Variants in PGR observed in about 807,000 individuals in gnomAD.
PGR encodes nuclear receptor subfamily 3 group C member 3.
PGR carries 25 observed loss-of-function variants against 76.1 expected under a neutral mutation model. That is an observed-to-expected ratio of 0.33 (90% CI 0.24 to 0.46). PGR has a LOEUF of 0.46. Among genes scored for constraint, PGR ranks in the 20% least tolerant of loss-of-function variants. The probability of loss-of-function intolerance (pLI) is 1.00; values close to 1 mark genes in which losing one functional copy is unlikely to be tolerated. For synonymous variants in PGR, 579 were observed against 535.0 expected (o/e 1.08, Z -1.14); for missense variants, 1,172 against 1,225.3 (o/e 0.96, Z 0.65).
chr11:101,083,721 T>C (rs1861393525), intron 3 of PGR, among the ~76,000 whole-genome samples: 1 of 152,204 alleles, frequency 6.6e-6, no homozygotes, highest in South Asian at 2.1e-4. Flanking sequence ...TTTGGCCAGT[T>C]ACTCCCATTT....
At chr11:101,114,664 T>C (rs1349270351) in intron 2 of PGR, among the ~76,000 whole-genome samples, 3 of 152,114 alleles carry the variant, frequency 2.0e-5, no homozygotes, top group Non-Finnish European at 4.4e-5. Flanking sequence ...ATGTACTTCC[T>C]ATTTCTGAAG....
chr11:101,039,289 GAGTAGAAAAC>G lies in PGR; in HGVS notation c.2647-28_2647-19del. 6.3e-7 allele frequency: 1 copy of G among 1,579,442 alleles called. No homozygotes were observed. The highest frequency in any genetic ancestry group is 1.1e-5 in the South Asian group (1 of 90,238). On this transcript the variant is annotated intron_variant, in intron 7 of 7. Transcript: ENST00000325455. ...TTGACAAGCTGTTGGTTTAACAAAT[GAGTAGAAAAC>G]ATGTAATAAAAATAATAAATTCATA... is the stretch of plus-strand genomic sequence containing the variant.
chr11:101,105,134 C>A (rs1255883350), intron 2 of PGR, among the ~76,000 whole-genome samples: 2 of 152,150 alleles, frequency 1.3e-5, no homozygotes, highest in South Asian at 4.1e-4. Context: ...GTAGATAGTA[C>A]AATCAGAGTG....
At chr11:101,073,529 AT>A (rs1861017996) in intron 3 of PGR, among the ~76,000 whole-genome samples, 3 of 151,990 alleles carry the variant, frequency 2.0e-5, no homozygotes, top group Admixed American at 2.0e-4. Context: ...AAAAAAAAAA[AT>A]CAATGAATCC....
intron 3 of PGR, among the ~76,000 whole-genome samples, chr11:101,071,050 G>A (rs1042118977): frequency 6.6e-6 from 1 of 152,150 alleles, no homozygotes; most frequent in Admixed American, 6.5e-5. Context: ...AGCAGGGGTC[G>A]ACAGACACCT....
At chr11:101,089,182 A>C (rs748228664) in intron 3 of PGR, among the ~76,000 whole-genome samples, 5 of 152,190 alleles carry the variant, frequency 3.3e-5, no homozygotes, top group Non-Finnish European at 7.3e-5. Flanking sequence ...CTAAAATAAA[A>C]GCTGAAAAAA....
At chr11:101,046,282 C>T (rs1015524210) in intron 6 of PGR, among the ~76,000 whole-genome samples, 12 of 129,128 alleles carry the variant, frequency 9.3e-5, no homozygotes, top group East Asian at 2.1e-4. Flanking sequence ...CTTGCCACTA[C>T]GCCTGGCTAA....
At chr11:101,054,996 A>C (rs1484896160) in intron 4 of PGR, among the ~76,000 whole-genome samples, 1 of 152,174 alleles carries the variant, frequency 6.6e-6, no homozygotes, top group East Asian at 1.9e-4. Flanking sequence ...GATAGAACTG[A>C]AGTATAAAAA....
intron 4 of PGR, among the ~76,000 whole-genome samples, chr11:101,058,022 AT>A (rs1343736167): frequency 2.0e-5 from 3 of 152,186 alleles, no homozygotes; most frequent in Non-Finnish European, 4.4e-5. Context: ...ACACAAACAA[AT>A]TTATAGTGTG....
chr11:101,051,367 C>G, intron 5 of PGR, 57 bp downstream of exon 5: 1 of 1,192,048 alleles, frequency 8.4e-7, no homozygotes, highest in Non-Finnish European at 1.3e-6. Flanking sequence ...ATATAACTTT[C>G]AAAATTATCC....
intron 1 of PGR, chr11:101,127,179 A>C (rs952719164): frequency 3.1e-6 from 1 of 320,030 alleles, no homozygotes; most frequent in East Asian, 4.9e-5. Context: ...AAAAACAAAC[A>C]AAAAAACAGC....
rs1409576351 is a variant in PGR, at chr11:101,045,665, T to TTTTGTG, written c.2489-3564_2489-3563insCACAAA. On this transcript the variant is annotated intron_variant, in intron 6 of 7. Transcript: ENST00000325455. ...TTTGATTGCTGAATACTATTCCATT[T>TTTTGTG]TGTGTGTGTGTGTGTGTGTGTGTGT... Among the ~76,000 whole-genome samples, 14 of 149,246 alleles carry TTTTGTG rather than the reference T, an allele frequency of 9.4e-5. No individual in the cohort carries two copies. The East Asian group carries it at 2.4e-3, about 26-fold the overall frequency.
Position 101,100,892 on chromosome 11 carries a change from T to C in PGR, c.1790-9016A>G, listed in dbSNP as rs1310047793. On this transcript the variant is annotated intron_variant, in intron 2 of 7. Transcript: ENST00000325455. ...GGCCCAATAGGTCAATAGTGTGAGGTTGAGAAATCATGGTATAAACTCATG... is the reference window on the plus strand; with the variant it reads ...GGCCCAATAGGTCAATAGTGTGAGGCTGAGAAATCATGGTATAAACTCATG... 3.9e-5 allele frequency among the ~76,000 whole-genome samples: 6 copies of C among 152,224 alleles called. No homozygotes were observed. The South Asian group carries it at 6.2e-4, about 16-fold the overall frequency.
intron 3 of PGR, among the ~76,000 whole-genome samples, chr11:101,087,772 A>C (rs1861542519): frequency 6.6e-6 from 1 of 152,146 alleles, no homozygotes; most frequent in Non-Finnish European, 1.5e-5. Context: ...AATGGGCAAA[A>C]GACTTGAACA....
intron 3 of PGR, among the ~76,000 whole-genome samples, chr11:101,073,107 A>T (rs1232419757): frequency 6.6e-6 from 1 of 152,238 alleles, no homozygotes; most frequent in Non-Finnish European, 1.5e-5. Flanking sequence ...GAAAGAATGG[A>T]AATAATAACA....
At position 101,126,013 on chromosome 11, in the gene PGR, T is replaced by C; in HGVS notation, c.1783A>G (p.Met595Val). 7 of 1,613,950 alleles carry C rather than the reference T, an allele frequency of 4.3e-6. No homozygotes were observed. The highest frequency in any genetic ancestry group is 3.3e-4 in the Middle Eastern group (2 of 6,060). ...GSCKVFFKRA[M>V]EGQHNYLCAG... ...TCAGGGGAAAGGAGCCTACCTTCCA[T>C]TGCCCTCTTAAAGAAGACCTTACAG... The change falls in exon 2 of 8, where the codon ATG becomes GTG. Residue 595 changes from methionine (M) to valine (V), a missense_variant. Met to Val is a conservative substitution (Grantham distance 21). This residue lies in a region of PGR where 40 missense variants were observed against 82.7 expected (regional missense o/e 0.48). Coordinates refer to ENST00000325455, the MANE Select transcript of PGR (RefSeq NM_000926.4).
At chr11:101,105,439 A>G (rs1862122951) in intron 2 of PGR, among the ~76,000 whole-genome samples, 1 of 149,432 alleles carries the variant, frequency 6.7e-6, no homozygotes, top group Admixed American at 6.7e-5. Flanking sequence ...CAGGTTCTGG[A>G]TGTTTTCTGA....
In PGR at chr11:101,094,508, G is replaced by C. The variant is rs508533; in HGVS notation, c.1790-2632C>G. Reference sequence around the variant, plus strand: ...CTTACTTTGCTTATTCCTTATATGTGGTGTGCCACTGCACACACTTTGTGG... The same window carrying C: ...CTTACTTTGCTTATTCCTTATATGTCGTGTGCCACTGCACACACTTTGTGG... On this transcript the variant is annotated intron_variant, in intron 2 of 7. Coordinates refer to ENST00000325455, the MANE Select transcript of PGR (RefSeq NM_000926.4). 7.1e-4 allele frequency among the ~76,000 whole-genome samples: 108 copies of C among 151,904 alleles called. 1 individual carries two copies. The highest frequency in any genetic ancestry group is 2.5e-3 in the African/African-American group (102 of 41,394).
At chr11:101,075,042 C>T (rs1861074410) in intron 3 of PGR, among the ~76,000 whole-genome samples, 1 of 152,154 alleles carries the variant, frequency 6.6e-6, no homozygotes, top group South Asian at 2.1e-4. Context: ...AAGAACAAAG[C>T]TGGAGGCATC....
Sources: gnomAD v4.1 joint callset for allele counts (sites outside exome capture counted in the v4.1 genomes callset) on GRCh38, gnomAD v4.1.1 for gene constraint, gnomAD v4.1.1 regional missense constraint, MANE v1.5 for transcripts, NCBI Gene and HGNC (gene_info 2026-07-23, HGNC 2026-07-21) for gene names.